Variants in CLTC observed in about 807,000 individuals in gnomAD.
CLTC encodes the protein clathrin heavy chain 1.
In CLTC, 16 loss-of-function variants were observed where a neutral mutation model predicts 195.8. That is an observed-to-expected ratio of 0.08 (90% CI 0.06 to 0.12). The LOEUF (loss-of-function observed/expected upper bound fraction) is 0.12. Ranked by LOEUF, CLTC falls within the 10% of genes least tolerant of loss-of-function variation. The pLI is 1.00. For synonymous variants in CLTC, 667 were observed against 689.4 expected, an observed-to-expected ratio of 0.97 and a Z score of 0.51; for missense variants, 796 against 2,027.0, an observed-to-expected ratio of 0.39 and a Z score of 11.66.
chr17:59,667,900 G>A (rs2032766676), intron 13 of CLTC, among the ~76,000 whole-genome samples: 1 of 152,148 alleles, frequency 6.6e-6, no homozygotes, highest in Non-Finnish European at 1.5e-5. Context: ...TATTGAGAAG[G>A]GGTAAGAGAG....
chr17:59,653,458 G>T (rs2032380847), intron 5 of CLTC, among the ~76,000 whole-genome samples: 1 of 151,992 alleles, frequency 6.6e-6, no homozygotes, highest in South Asian at 2.1e-4. Context: ...CTCCCAAAGT[G>T]GTGGGATTAC....
rs1183639942 is a variant in CLTC, at chr17:59,695,536, T to A, written c.*1684T>A. On this transcript the variant is annotated 3_prime_UTR_variant, in exon 32 of 32. Transcript: ENST00000269122. The stretch of plus-strand genomic sequence containing the variant: ...GGTGTGATGGTGGATGCCTATAAGA[T>A]CCTAGCTGCTACTCAGGAGGCAGGA... The A allele has an allele frequency of 5.6e-6, 1 of 177,254 alleles. No homozygotes were observed. The highest frequency in any genetic ancestry group is 1.2e-5 in the Non-Finnish European group (1 of 82,564). 11.0% of individuals were successfully genotyped at this position (177,254 alleles called of 1,614,324 possible). A position where few individuals can be genotyped will look rare whatever the true frequency, so the allele number is the denominator to read the frequency against.
At chr17:59,644,600 G>T in intron 2 of CLTC, 117 bp downstream of exon 2, 4 of 812,284 alleles carry the variant, frequency 4.9e-6, no homozygotes, top group Non-Finnish European at 7.7e-6. Flanking sequence ...ACCCAGGCTG[G>T]AGTGCAATGG....
In CLTC at chr17:59,679,524, C is replaced by T. The variant is rs774180676; in HGVS notation, c.2919+5C>T. ...AGGAGACCCCTAATTGACCAGGTAA[C>T]ATTGGCAAATGTGTTTATGGCTGTC... On this transcript the variant is annotated splice_donor_5th_base_variant and intron_variant, in intron 18 of 31. Transcript: ENST00000269122. The T allele has an allele frequency of 2.5e-6, 4 of 1,578,996 alleles. No individual in the cohort carries two copies. The highest frequency in any genetic ancestry group is 3.4e-6 in the Non-Finnish European group (4 of 1,161,504).
chr17:59,639,194 C>A (rs1216914241), intron 1 of CLTC, among the ~76,000 whole-genome samples: 1 of 151,940 alleles, frequency 6.6e-6, no homozygotes, highest in Non-Finnish European at 1.5e-5. Flanking sequence ...TGGAAAAGGG[C>A]GGAGGAAATA....
At chr17:59,665,238 A>AT (rs1388473535) in intron 10 of CLTC, among the ~76,000 whole-genome samples, 1 of 144,594 alleles carries the variant, frequency 6.9e-6, no homozygotes, top group African/African-American at 2.5e-5. Context: ...AAAAAAAAAA[A>AT]GGAAAACTTA....
intron 1 of CLTC, among the ~76,000 whole-genome samples, chr17:59,638,015 TG>T (rs2143476918): frequency 7.0e-6 from 1 of 142,808 alleles, no homozygotes; most frequent in East Asian, 2.1e-4. Context: ...TCATAGTGTC[TG>T]AGGCAGTTAA....
chr17:59,620,118 C>G lies in CLTC; in HGVS notation c.-14C>G, dbSNP rs918956573. 1.2e-6 allele frequency: 2 copies of G among 1,614,012 alleles called. No individual in the cohort carries two copies. Among genetic ancestry groups the G allele is most frequent in the African/African-American group, 2.7e-5 (2 of 75,030 alleles). On this transcript the variant is annotated 5_prime_UTR_variant, in exon 1 of 32. Coordinates refer to ENST00000269122, the MANE Select transcript of CLTC (RefSeq NM_004859.4). ...CCCCAGTGACAGGAGGAGACCATAACCCCCGACAGCGCCATGGCCCAGATT... is the reference window on the plus strand; with the variant it reads ...CCCCAGTGACAGGAGGAGACCATAAGCCCCGACAGCGCCATGGCCCAGATT...
intron 1 of CLTC, among the ~76,000 whole-genome samples, chr17:59,643,129 T>TG (rs71370109): frequency 1.4e-3 from 183 of 128,946 alleles, no homozygotes; most frequent in Middle Eastern, 3.7e-3. Flanking sequence ...TTTTCTTTTC[T>TG]GGGGTGTGTG....
chr17:59,628,745 G>A (rs1346011355), intron 1 of CLTC, among the ~76,000 whole-genome samples: 2 of 152,052 alleles, frequency 1.3e-5, no homozygotes, highest in Admixed American at 6.6e-5. Flanking sequence ...TGCAACTTCC[G>A]CCTCCCAGGT....
chr17:59,643,930 G>C (rs542613995), intron 1 of CLTC, among the ~76,000 whole-genome samples: 1 of 152,264 alleles, frequency 6.6e-6, no homozygotes, highest in South Asian at 2.1e-4. Context: ...GTTAAGGGGG[G>C]TGAGAGAGGA....
chr17:59,678,496 T>C (rs1181554112), intron 17 of CLTC, among the ~76,000 whole-genome samples: 1 of 152,240 alleles, frequency 6.6e-6, no homozygotes, highest in Non-Finnish European at 1.5e-5. Flanking sequence ...TTTTATTCGA[T>C]GGGCTACAAT....
Position 59,681,576 on chromosome 17 carries a change from A to G in CLTC, c.3250-71A>G. 6.4e-7 allele frequency: 1 copy of G among 1,570,222 alleles called. No individual in the cohort carries two copies. The highest frequency in any genetic ancestry group is 1.4e-5 in the African/African-American group (1 of 74,042). On this transcript the variant is annotated intron_variant, in intron 20 of 31. Coordinates refer to ENST00000269122, the MANE Select transcript of CLTC (RefSeq NM_004859.4). This position sits in a 1 kb window ranked among gnomAD's most constrained non-coding sequence, Gnocchi z 5.0. ...GCAATAGAGCAGCAATAAAATACTA[A>G]CAGCTTAAATGTAATTGCTTTGGGT... is the stretch of plus-strand genomic sequence containing the variant.
intron 6 of CLTC, among the ~76,000 whole-genome samples, chr17:59,657,564 C>G (rs752240684): frequency 6.6e-6 from 1 of 151,762 alleles, no homozygotes; most frequent in Non-Finnish European, 1.5e-5. Flanking sequence ...CTCAGGAGTT[C>G]AAGACCAGCC....
At chr17:59,629,568 T>C (rs1037006334) in intron 1 of CLTC, among the ~76,000 whole-genome samples, 1 of 140,128 alleles carries the variant, frequency 7.1e-6, no homozygotes, top group African/African-American at 2.6e-5. Flanking sequence ...TCGCCCAGGC[T>C]GGAGTACAGT....
chr17:59,621,138 C>T (rs2031364414), intron 1 of CLTC, among the ~76,000 whole-genome samples: 1 of 152,202 alleles, frequency 6.6e-6, no homozygotes, highest in Non-Finnish European at 1.5e-5. Flanking sequence ...GGTTCCTTAT[C>T]CTGGAGGCAA....
intron 6 of CLTC, among the ~76,000 whole-genome samples, chr17:59,659,997 G>A (rs2032572277): frequency 6.6e-6 from 1 of 152,168 alleles, no homozygotes; most frequent in South Asian, 2.1e-4. Flanking sequence ...AGGTTATCAA[G>A]ATTGAAGTCC....
At position 59,666,527 on chromosome 17, in the gene CLTC, G is replaced by A; in HGVS notation, c.1830G>A (p.Arg610=). The stretch of plus-strand genomic sequence containing the variant: ...ATCAGATGTTCACACATTATGACCG[G>A]GCTCATATTGCTCAACTGTGTGAAA... ...LGNQMFTHYD[R]AHIAQLCEKA... is the part of the protein sequence containing the mutation. The change falls in exon 12 of 32, where the codon CGG becomes CGA. Residue 610 remains arginine (R), a synonymous_variant. Transcript: ENST00000269122. The surrounding 1 kb of genome is among the most constrained non-coding windows in gnomAD (Gnocchi z 4.9). 1.2e-6 allele frequency: 2 copies of A among 1,614,006 alleles called. No individual in the cohort carries two copies. Among genetic ancestry groups the A allele is most frequent in the South Asian group, 1.1e-5 (1 of 91,072 alleles).
chr17:59,684,083 A>G (rs765770857), intron 28 of CLTC, 98 bp downstream of exon 28: 34 of 708,616 alleles, frequency 4.8e-5, no homozygotes, highest in Non-Finnish European at 6.7e-5. Context: ...TGTAAACAGT[A>G]GGTGCTTGCA....
Sources: gnomAD v4.1 joint callset for allele counts (sites outside exome capture counted in the v4.1 genomes callset) on GRCh38, gnomAD v4.1.1 for gene constraint, Gnocchi (gnomAD v3.1) non-coding constraint, MANE v1.5 for transcripts, NCBI Gene and HGNC (gene_info 2026-07-23, HGNC 2026-07-21) for gene names.